UTY: variants seen among roughly 807,000 people sequenced by gnomAD.
The protein encoded by UTY is ubiquitously transcribed tetratricopeptide repeat containing, Y-linked.
A neutral mutation model predicts 32.5 loss-of-function variants in UTY; 12 were observed. The ratio of observed to expected loss-of-function variants is 0.37; its 90% CI spans 0.24 to 0.60. The LOEUF is 0.60. Among genes scored for constraint, UTY ranks in the 20% least tolerant of loss-of-function variants. The pLI, the probability that UTY is intolerant of heterozygous loss-of-function variation, is 0.69. For missense variants in UTY, 303 were observed against 299.2 expected (o/e 1.01, Z -0.09); for synonymous variants, 131 against 103.4 (o/e 1.27, Z -1.62).
intron 18 of UTY, among the ~76,000 whole-genome samples, chrY:13,334,787 C>T (rs2060939630): frequency 8.9e-5 from 3 of 33,632 alleles, no homozygotes; most frequent in Admixed American, 2.7e-4. Context: ...GACAGTGTGG[C>T]GATTCCTCAA....
At chrY:13,430,503 C>G (rs746717290) in intron 4 of UTY, among the ~76,000 whole-genome samples, 2 of 33,578 alleles carry the variant, frequency 6.0e-5, no homozygotes, top group African/African-American at 2.3e-4. Context: ...AGTACACATT[C>G]ATTCATAACA....
chrY:13,437,013 G>A, intron 4 of UTY, among the ~76,000 whole-genome samples: 4 of 30,343 alleles, frequency 1.3e-4, no homozygotes, highest in Non-Finnish European at 2.4e-4. Flanking sequence ...CATCTTACAG[G>A]CTCCTTTGGA....
chrY:13,414,853 T>C, intron 4 of UTY, 60 bp from the exon 5 acceptor site: 1 of 222,024 alleles, frequency 4.5e-6, no homozygotes, highest in Non-Finnish European at 6.7e-6. Flanking sequence ...TACTATTACA[T>C]ATATTAATAA....
At chrY:13,457,038 A>G (rs890731974) in intron 3 of UTY, among the ~76,000 whole-genome samples, 6 of 33,717 alleles carry the variant, frequency 1.8e-4, no homozygotes, top group African/African-American at 5.8e-4. Flanking sequence ...GAGCCTAGTC[A>G]GAAACACTAA....
At chrY:13,274,820 T>TA (rs2056578431) in intron 27 of UTY, among the ~76,000 whole-genome samples, 4 of 30,821 alleles carry the variant, frequency 1.3e-4, no homozygotes, top group Non-Finnish European at 2.4e-4. Context: ...TAAATAAAAA[T>TA]AAAAAAAATA....
intron 27 of UTY, among the ~76,000 whole-genome samples, chrY:13,278,981 T>C: frequency 2.9e-5 from 1 of 34,048 alleles, no homozygotes; most frequent in African/African-American, 1.2e-4. Context: ...GCAGTCCCTG[T>C]GGTGATGGCC....
chrY:13,284,222 T>C (rs2057209523), intron 27 of UTY, among the ~76,000 whole-genome samples: 1 of 33,920 alleles, frequency 2.9e-5, no homozygotes, highest in Non-Finnish European at 7.3e-5. Context: ...AAACAGTTTA[T>C]GTGCAAGGTG....
At chrY:13,316,869 T>G in intron 21 of UTY, among the ~76,000 whole-genome samples, 1 of 33,099 alleles carries the variant, frequency 3.0e-5, no homozygotes, top group Non-Finnish European at 7.4e-5. Context: ...GAGGAGAAAC[T>G]CTTTTGATTT....
At position 13,306,227 on chromosome Y, in the gene UTY, T is replaced by C. The variant is rs773142384; in HGVS notation, c.3300A>G (p.Gln1100=). 5.1e-6 allele frequency: 2 copies of C among 395,941 alleles called. No homozygotes were observed. The highest frequency in any genetic ancestry group is 7.1e-6 in the Non-Finnish European group (2 of 281,470). The change falls in exon 22 of 30, where the codon CAA becomes CAG. Residue 1100 remains glutamine, a synonymous_variant. Transcript: ENST00000545955. ...ATTCGTTATCTGAATGATCTTTGTG[T>C]TGTGTTCTTTTCTCATTTTCTTCCT... The part of the protein sequence containing the change: ...SLREENEKRT[Q]HKDHSDNEST...
At chrY:13,252,949 C>G in intron 28 of UTY, among the ~76,000 whole-genome samples, 1 of 33,340 alleles carries the variant, frequency 3.0e-5, no homozygotes, top group Non-Finnish European at 7.4e-5. Flanking sequence ...CCCTGATTTC[C>G]CACTTCACAC....
intron 28 of UTY, among the ~76,000 whole-genome samples, chrY:13,253,146 T>C: frequency 3.0e-5 from 1 of 33,134 alleles, no homozygotes; most frequent in Admixed American, 2.7e-4. Context: ...GCAATCCCCG[T>C]GGTGAGTATG....
chrY:13,391,190 G>A (rs1029918728), intron 8 of UTY, among the ~76,000 whole-genome samples: 12 of 32,501 alleles, frequency 3.7e-4, no homozygotes, highest in Admixed American at 3.1e-3. Flanking sequence ...TACACAAACA[G>A]GTATAGTCTA....
chrY:13,458,808 C>T lies in UTY; in HGVS notation c.326-9742G>A. Among the ~76,000 whole-genome samples the T allele has an allele frequency of 9.1e-5, 3 of 32,810 alleles. No individual in the cohort carries two copies. The East Asian group carries it at 2.4e-3, about 26-fold the overall frequency. 88.0% of individuals were successfully genotyped at this position (32,810 alleles called of 37,273 possible). On this transcript the variant is annotated intron_variant, in intron 3 of 29. Transcript: ENST00000545955. ...TAGACTGGATTAAGAAAATGTGGCA[C>T]ATACGCACCATGGAATACTATGCAG...
intron 27 of UTY, among the ~76,000 whole-genome samples, chrY:13,276,943 G>A: frequency 2.9e-5 from 1 of 33,914 alleles, no homozygotes. Flanking sequence ...TAAAGGAGAC[G>A]TAAAGTCTTT....
At chrY:13,277,303 A>C (rs2148575075) in intron 27 of UTY, among the ~76,000 whole-genome samples, 1 of 33,437 alleles carries the variant, frequency 3.0e-5, no homozygotes, top group African/African-American at 1.2e-4. Flanking sequence ...TTAAAATAGA[A>C]GGGTTAACTA....
At chrY:13,478,420 T>C in intron 2 of UTY, among the ~76,000 whole-genome samples, 2 of 33,510 alleles carry the variant, frequency 6.0e-5, no homozygotes, top group Non-Finnish European at 1.5e-4. Flanking sequence ...AGAATTCTAC[T>C]TTTAAATAAT....
chrY:13,355,308 T>C lies in UTY; in HGVS notation c.1756A>G (p.Asn586Asp). The C allele has an allele frequency of 2.5e-6, 1 of 398,455 alleles. No homozygotes were observed. Among genetic ancestry groups the C allele is most frequent in the South Asian group, 3.0e-5 (1 of 33,716 alleles). ...GTCAGAGCACCATGTGGTTGTCGAT[T>C]AGAGACAGAGTTTGTAGGCAGTGAT... ...DSSLPTNSVS[N>D]RQPHGALTRV... Residue 586 changes from asparagine to aspartate, a missense_variant, in exon 17 of 30, where the codon AAT becomes GAT. By Grantham distance (23) the Asn-to-Asp change is conservative (BLOSUM62 1). Transcript: ENST00000545955.
chrY:13,428,913 T>C (rs2073675912), intron 4 of UTY, among the ~76,000 whole-genome samples: 1 of 33,718 alleles, frequency 3.0e-5, no homozygotes, highest in African/African-American at 1.2e-4. Flanking sequence ...TTAAATATAT[T>C]CCTATATATT....
intron 8 of UTY, among the ~76,000 whole-genome samples, chrY:13,387,557 C>A: frequency 3.0e-5 from 1 of 33,461 alleles, no homozygotes; most frequent in African/African-American, 1.2e-4. Context: ...TGCCTGCAAT[C>A]CCAGCATTTT....
Sources: gnomAD v4.1 joint callset for allele counts (sites outside exome capture counted in the v4.1 genomes callset) on GRCh38, gnomAD v4.1.1 for gene constraint, MANE v1.5 for transcripts, NCBI Gene and HGNC (gene_info 2026-07-23, HGNC 2026-07-21) for gene names.